JAKMIP1: variants seen among roughly 807,000 people sequenced by gnomAD.
JAKMIP1 encodes janus kinase and microtubule interacting protein 1, also known as janus kinase and microtubule-interacting protein 1.
JAKMIP1 carries 33 observed loss-of-function variants against 113.0 expected under a neutral mutation model. The ratio of observed to expected loss-of-function variants is 0.29; its 90% confidence interval spans 0.22 to 0.39. JAKMIP1 has a LOEUF of 0.39. JAKMIP1 is among the 10% of genes least tolerant of loss of function. The pLI is 1.00. For missense variants in JAKMIP1, 813 were observed against 1,080.5 expected, an observed-to-expected ratio of 0.75 and a Z score of 3.47; for synonymous variants, 480 against 459.9, an observed-to-expected ratio of 1.04 and a Z score of -0.56.
Position 6,064,966 on chromosome 4 carries a change from C to G in JAKMIP1, c.1345G>C (p.Val449Leu). Residue 449 changes from valine to leucine, a missense_variant, in exon 9 of 21, where the codon GTG becomes CTG. Physicochemically the swap from Val to Leu is conservative, Grantham distance 32. Coordinates refer to ENST00000409021, the MANE Select transcript of JAKMIP1 (RefSeq NM_001099433.2). The surrounding 1 kb of genome is among the most constrained non-coding windows in gnomAD (Gnocchi z 4.3). Reference sequence around the variant, plus strand: ...GTTTCGGACAACGTTTCTGAGTCCACAGACTCCTCATCAAATCCAAAAAAT... The same window carrying G: ...GTTTCGGACAACGTTTCTGAGTCCAGAGACTCCTCATCAAATCCAAAAAAT... ...ETFFGFDEES[V>L]DSETLSETSY... 1 of 1,614,136 alleles carries G rather than the reference C, an allele frequency of 6.2e-7. No homozygotes were observed. Among genetic ancestry groups the G allele is most frequent in the Non-Finnish European group, 8.5e-7 (1 of 1,180,000 alleles).
At chr4:6,134,459 C>A (rs1038469305) in intron 1 of JAKMIP1, among the ~76,000 whole-genome samples, 1 of 151,520 alleles carries the variant, frequency 6.6e-6, no homozygotes, top group Non-Finnish European at 1.5e-5. Context: ...TCTTTTCCAC[C>A]TGTTCATCTT....
intron 1 of JAKMIP1, among the ~76,000 whole-genome samples, chr4:6,159,940 C>T (rs1996176): frequency 0.048 from 7,308 of 152,070 alleles, 405 homozygotes; most frequent in African/African-American, 0.13. Context: ...TCACAAACAA[C>T]ATGATCCCAT....
chr4:6,120,447 T>C (rs1716547111), intron 1 of JAKMIP1, among the ~76,000 whole-genome samples: 1 of 152,132 alleles, frequency 6.6e-6, no homozygotes, highest in African/African-American at 2.4e-5. Context: ...AGTGGAAAAC[T>C]GGAAATAACC....
rs1326338695 is a variant in JAKMIP1 at position 6,044,695 on chromosome 4, A to G, written c.2029-2468T>C. On this transcript the variant is annotated intron_variant, in intron 16 of 20. Transcript: ENST00000409021. The surrounding 1 kb of genome is among the most constrained non-coding windows in gnomAD (Gnocchi z 4.4). ...GCTCTCAGAACGGTTTCTGCAGAACACAGTGTTGAGATTTGTTGCTGCTGT... is the reference window on the plus strand; with the variant it reads ...GCTCTCAGAACGGTTTCTGCAGAACGCAGTGTTGAGATTTGTTGCTGCTGT... Among the ~76,000 whole-genome samples, 4 of 151,136 alleles carry G rather than the reference A, an allele frequency of 2.6e-5. No homozygotes were observed. Among genetic ancestry groups the G allele is most frequent in the African/African-American group, 9.9e-5 (4 of 40,394 alleles).
chr4:6,035,650 C>T (rs185060879), intron 19 of JAKMIP1, among the ~76,000 whole-genome samples: 17 of 152,292 alleles, frequency 1.1e-4, no homozygotes, highest in East Asian at 1.9e-4. Flanking sequence ...GAAGGAGGGC[C>T]GAGGGAGAAG....
chr4:6,146,483 A>T (rs1294420124), intron 1 of JAKMIP1, among the ~76,000 whole-genome samples: 2 of 152,070 alleles, frequency 1.3e-5, no homozygotes, highest in Non-Finnish European at 2.9e-5. Flanking sequence ...TTGTAGAGAC[A>T]GGTTTTCACC....
At chr4:6,060,311 G>GCTC in intron 11 of JAKMIP1, 113 bp downstream of exon 11, 1 of 795,830 alleles carries the variant, frequency 1.3e-6, no homozygotes, top group East Asian at 2.4e-5. Context: ...CGTCTCTGGA[G>GCTC]CTCCTGATCC....
At chr4:6,126,015 CACCAT>C (rs1717488955) in intron 1 of JAKMIP1, among the ~76,000 whole-genome samples, 2 of 148,364 alleles carry the variant, frequency 1.3e-5, no homozygotes, top group African/African-American at 2.5e-5. Context: ...AACACACACA[CACCAT>C]ACACACCATG....
At chr4:6,103,762 A>C (rs1052467688) in intron 3 of JAKMIP1, among the ~76,000 whole-genome samples, 1 of 152,140 alleles carries the variant, frequency 6.6e-6, no homozygotes, top group African/African-American at 2.4e-5. Context: ...TGTTCATTTT[A>C]TCGAGGTTTC....
intron 11 of JAKMIP1, among the ~76,000 whole-genome samples, chr4:6,058,371 G>A (rs911970751): frequency 6.6e-6 from 1 of 152,216 alleles, no homozygotes; most frequent in Non-Finnish European, 1.5e-5. Context: ...GTAGCTGTTA[G>A]ATATAAGGGA....
intron 1 of JAKMIP1, among the ~76,000 whole-genome samples, chr4:6,175,721 G>A (rs1321600321): frequency 6.6e-6 from 1 of 152,246 alleles, no homozygotes; most frequent in Non-Finnish European, 1.5e-5. Context: ...CCTGGGGCAT[G>A]CCTGCCAATC....
At chr4:6,070,169 G>A (rs907736660) in intron 8 of JAKMIP1, 2 of 398,666 alleles carry the variant, frequency 5.0e-6, no homozygotes, top group Non-Finnish European at 4.4e-6. Flanking sequence ...CCATGGTGGC[G>A]TGAAGCTGCA....
At chr4:6,191,671 G>GC (rs1209386019) in intron 1 of JAKMIP1, among the ~76,000 whole-genome samples, 2 of 152,194 alleles carry the variant, frequency 1.3e-5, no homozygotes, top group South Asian at 4.1e-4. Flanking sequence ...GGACCCTGCT[G>GC]CCCTCTGGAG....
At chr4:6,107,390 T>C (rs1368237411) in intron 2 of JAKMIP1, among the ~76,000 whole-genome samples, 3 of 152,214 alleles carry the variant, frequency 2.0e-5, no homozygotes, top group Non-Finnish European at 4.4e-5. Flanking sequence ...TGGTGGCTGA[T>C]GTTGTGGGTC....
chr4:6,095,988 G>A (rs1711675083), intron 3 of JAKMIP1, among the ~76,000 whole-genome samples: 1 of 152,246 alleles, frequency 6.6e-6, no homozygotes. Flanking sequence ...GTGACTCGGG[G>A]CTGGCCTAGA....
rs1188638982 is a variant in JAKMIP1 at position 6,199,402 on chromosome 4, G to C, written c.-148+851C>G. 2.0e-5 allele frequency among the ~76,000 whole-genome samples: 3 copies of C among 152,202 alleles called. No individual in the cohort carries two copies. The highest frequency in any genetic ancestry group is 4.4e-5 in the Non-Finnish European group (3 of 68,022). ...CCGGATGCTCAGGAGCCCACAGCAG[G>C]GGGGATGGAGCGAAGGACCGAGGGG... On this transcript the variant is annotated intron_variant, in intron 1 of 20. Coordinates refer to ENST00000409021, the MANE Select transcript of JAKMIP1 (RefSeq NM_001099433.2). This position sits in a 1 kb window ranked among gnomAD's most constrained non-coding sequence, Gnocchi z 5.6.
At chr4:6,027,258 C>T (rs1027687972) in intron 20 of JAKMIP1, among the ~76,000 whole-genome samples, 1 of 152,134 alleles carries the variant, frequency 6.6e-6, no homozygotes, top group Admixed American at 6.5e-5. Flanking sequence ...TTCTTCTCCC[C>T]CCCAAAACAA....
chr4:6,192,623 G>A lies in JAKMIP1; in HGVS notation c.-148+7630C>T, dbSNP rs912199425. On this transcript the variant is annotated intron_variant, in intron 1 of 20. Transcript: ENST00000409021. The surrounding 1 kb of genome is among the most constrained non-coding windows in gnomAD (Gnocchi z 5.0). ...TCACAGAGCTAGCAGGGTGGAGTTC[G>A]GAAATTAAGTCAATAGCAGTGATTA... Among the ~76,000 whole-genome samples the A allele has an allele frequency of 6.6e-5, 10 of 152,308 alleles. No homozygotes were observed. The South Asian group carries it at 8.3e-4, about 13-fold the overall frequency.
intron 16 of JAKMIP1, among the ~76,000 whole-genome samples, chr4:6,047,652 C>A (rs1715164697): frequency 6.6e-6 from 1 of 152,200 alleles, no homozygotes; most frequent in South Asian, 2.1e-4. Flanking sequence ...ATTTAGTATC[C>A]TTTACTTGAT....
Sources: allele counts gnomAD v4.1 joint callset (sites outside exome capture counted in the v4.1 genomes callset), GRCh38; gene constraint gnomAD v4.1.1; non-coding constraint Gnocchi (gnomAD v3.1); transcripts MANE v1.5; gene names NCBI Gene and HGNC (gene_info 2026-07-23, HGNC 2026-07-21).